The following MOB3B variants were observed in gnomAD, a reference collection of about 807,000 sequenced individuals.
MOB3B encodes MOB kinase activator 3B.
A neutral mutation model predicts 18.7 loss-of-function variants in MOB3B; 7 were observed. The observed-to-expected ratio is 0.37, with a 90% CI of 0.21 to 0.70. The LOEUF is 0.70. MOB3B is among the 30% of genes least tolerant of loss of function. MOB3B has a pLI of 0.52. For missense variants in MOB3B, 253 were observed against 281.3 expected (o/e 0.90, Z 0.72); for synonymous variants, 111 against 99.9 (o/e 1.11, Z -0.66).
chr9:27,470,460 C>G (rs928970058), intron 1 of MOB3B, among the ~76,000 whole-genome samples: 1 of 152,122 alleles, frequency 6.6e-6, no homozygotes, highest in Non-Finnish European at 1.5e-5. Context: ...CCTGCCCTTT[C>G]TTTTGCCTTC....
intron 3 of MOB3B, among the ~76,000 whole-genome samples, chr9:27,357,690 G>A (rs1821211924): frequency 6.6e-6 from 1 of 151,472 alleles, no homozygotes; most frequent in Non-Finnish European, 1.5e-5. Context: ...CTTTCTCTTG[G>A]GATGAGTATA....
At chr9:27,485,491 A>G (rs1819718476) in intron 1 of MOB3B, among the ~76,000 whole-genome samples, 1 of 152,190 alleles carries the variant, frequency 6.6e-6, no homozygotes, top group African/African-American at 2.4e-5. Flanking sequence ...AAATGTCAGC[A>G]TTGCCTTGGG....
chr9:27,517,634 C>T (rs540410372), intron 1 of MOB3B, among the ~76,000 whole-genome samples: 16 of 100,422 alleles, frequency 1.6e-4, no homozygotes, highest in Admixed American at 1.2e-3. Flanking sequence ...GCCGACAGAG[C>T]GAGACTCTGT....
intron 2 of MOB3B, among the ~76,000 whole-genome samples, chr9:27,408,900 C>T (rs1364456774): frequency 6.6e-6 from 1 of 152,196 alleles, no homozygotes; most frequent in Non-Finnish European, 1.5e-5. Context: ...GAACTCACCC[C>T]TCTCCTGCAG....
intron 1 of MOB3B, among the ~76,000 whole-genome samples, chr9:27,463,860 G>A (rs569616783): frequency 9.7e-4 from 147 of 152,236 alleles, no homozygotes; most frequent in Non-Finnish European, 1.3e-3. Flanking sequence ...GGAGGCTGAG[G>A]TGGGAGGATC....
chr9:27,529,564 T>A lies in MOB3B; in HGVS notation c.-208A>T, dbSNP rs2131514794. ...GCGGGTTCTTACTCACCGTGGGGTT[T>A]TACCTCCAGCCCAGGGCCCGGTCGG... On this transcript the variant is annotated 5_prime_UTR_variant, in exon 1 of 4. Coordinates refer to ENST00000262244, the MANE Select transcript of MOB3B (RefSeq NM_024761.5). 1.0e-6 allele frequency: 1 copy of A among 985,500 alleles called. No homozygotes were observed. The allele number at this position is 985,500 out of a possible 1,614,324, so 61.0% of individuals were successfully genotyped here. A position where few individuals can be genotyped will look rare whatever the true frequency, so the allele number is the denominator to read the frequency against.
intron 1 of MOB3B, among the ~76,000 whole-genome samples, chr9:27,524,155 A>AAC (rs1016806506): frequency 6.6e-6 from 1 of 150,750 alleles, no homozygotes; most frequent in African/African-American, 2.4e-5. Context: ...CGAAGTAAAA[A>AAC]AAAAAAAAAA....
At chr9:27,516,051 G>A (rs985983724) in intron 1 of MOB3B, among the ~76,000 whole-genome samples, 2 of 152,194 alleles carry the variant, frequency 1.3e-5, no homozygotes, top group African/African-American at 2.4e-5. Flanking sequence ...AACTATGGAG[G>A]CAGAGATGAT....
chr9:27,469,097 A>C (rs1819433161), intron 1 of MOB3B, among the ~76,000 whole-genome samples: 1 of 152,154 alleles, frequency 6.6e-6, no homozygotes, highest in South Asian at 2.1e-4. Context: ...TCAGAGGAAA[A>C]AATAATGGGG....
intron 1 of MOB3B, among the ~76,000 whole-genome samples, chr9:27,461,743 G>A (rs926625496): frequency 1.3e-5 from 2 of 152,186 alleles, no homozygotes; most frequent in Non-Finnish European, 2.9e-5. Context: ...TAAGTAAATA[G>A]TGCCAAAATG....
chr9:27,425,311 G>T (rs987153855), intron 2 of MOB3B, among the ~76,000 whole-genome samples: 3 of 151,396 alleles, frequency 2.0e-5, no homozygotes, highest in Admixed American at 1.3e-4. Flanking sequence ...GGAGGCGGAG[G>T]TTGCGGTGAG....
chr9:27,341,026 C>G (rs1448818115), intron 3 of MOB3B, among the ~76,000 whole-genome samples: 1 of 152,226 alleles, frequency 6.6e-6, no homozygotes, highest in Admixed American at 6.5e-5. Context: ...CCAATGCCCC[C>G]TGTAGGGTTG....
chr9:27,422,635 G>A lies in MOB3B; in HGVS notation c.418+32498C>T, dbSNP rs190886743. ...GAGTGATGCACTTCTTAAGCTTTTTGTATGACACTTTTCATGAGATCAGTC... is the reference window on the plus strand; with the variant it reads ...GAGTGATGCACTTCTTAAGCTTTTTATATGACACTTTTCATGAGATCAGTC... On this transcript the variant is annotated intron_variant, in intron 2 of 3. Transcript: ENST00000262244. 3.9e-5 allele frequency among the ~76,000 whole-genome samples: 6 copies of A among 152,292 alleles called. No homozygotes were observed. In the East Asian group the frequency reaches 1.2e-3, roughly 29 times the overall value.
intron 3 of MOB3B, among the ~76,000 whole-genome samples, chr9:27,342,195 T>C (rs1820952789): frequency 6.6e-6 from 1 of 152,164 alleles, no homozygotes; most frequent in Admixed American, 6.5e-5. Context: ...CGTCGCACCA[T>C]GCCAATACCA....
intron 2 of MOB3B, among the ~76,000 whole-genome samples, chr9:27,413,594 GA>G (rs1822105352): frequency 6.6e-6 from 1 of 152,222 alleles, no homozygotes. Flanking sequence ...TTGGAGAGGG[GA>G]AAGAGCGAAG....
Position 27,472,317 on chromosome 9 carries a change from C to T in MOB3B, c.-198-16569G>A, listed in dbSNP as rs1364944702. Among the ~76,000 whole-genome samples the T allele has an allele frequency of 2.0e-5, 3 of 151,712 alleles. No individual in the cohort carries two copies. In the South Asian group the frequency reaches 6.2e-4, roughly 31 times the overall value. On this transcript the variant is annotated intron_variant, in intron 1 of 3. Transcript: ENST00000262244. ...AAAGGCTTTAAAAGTCTCCAAAGGC[C>T]TCAGGAACTTTTGCCCAGAGAAGTG...
At chr9:27,343,807 GT>G (rs1820992930) in intron 3 of MOB3B, among the ~76,000 whole-genome samples, 1 of 150,942 alleles carries the variant, frequency 6.6e-6, no homozygotes, top group Non-Finnish European at 1.5e-5. Context: ...TTGAAAATTG[GT>G]AGCAGCACTG....
intron 1 of MOB3B, chr9:27,524,366 G>A: frequency 6.2e-7 from 1 of 1,613,308 alleles, no homozygotes; most frequent in Non-Finnish European, 8.5e-7. Flanking sequence ...TGATTCAAAA[G>A]TGTTTGTGGC....
chr9:27,414,455 G>T (rs995218556), intron 2 of MOB3B, among the ~76,000 whole-genome samples: 9 of 152,180 alleles, frequency 5.9e-5, no homozygotes, highest in Non-Finnish European at 1.2e-4. Context: ...TTCAATTAGG[G>T]CTGGTCAGTG....
Sources: gnomAD v4.1 joint callset for allele counts (sites outside exome capture counted in the v4.1 genomes callset) on GRCh38, gnomAD v4.1.1 for gene constraint, MANE v1.5 for transcripts, NCBI Gene and HGNC (gene_info 2026-07-23, HGNC 2026-07-21) for gene names.